Variants in NEIL3 observed in about 807,000 individuals in gnomAD.
The protein encoded by NEIL3 is nei like DNA glycosylase 3.
Under a neutral mutation model 57.5 loss-of-function variants are expected in NEIL3, and 48 were observed. The observed-to-expected ratio is 0.83, with a 90% CI of 0.66 to 1.06. The LOEUF is 1.06. Ranked by LOEUF, NEIL3 falls within the 50% of genes least tolerant of loss-of-function variation. The pLI, the probability that NEIL3 is intolerant of heterozygous loss-of-function variation, is 0.00. For missense variants in NEIL3, 717 were observed against 739.1 expected (o/e 0.97, Z 0.35); for synonymous variants, 261 against 253.2 (o/e 1.03, Z -0.29).
intron 8 of NEIL3, among the ~76,000 whole-genome samples, chr4:177,357,219 C>T (rs1253546407): frequency 6.6e-6 from 1 of 152,184 alleles, no homozygotes; most frequent in Non-Finnish European, 1.5e-5. Flanking sequence ...CCAAAAAATT[C>T]AGACAGTATT....
At chr4:177,342,102 A>G (rs955599031) in intron 6 of NEIL3, among the ~76,000 whole-genome samples, 12 of 152,214 alleles carry the variant, frequency 7.9e-5, no homozygotes, top group African/African-American at 2.9e-4. Flanking sequence ...GTCTCTTCCA[A>G]TGATACATTC....
At chr4:177,325,577 T>C (rs1734765425) in intron 2 of NEIL3, among the ~76,000 whole-genome samples, 1 of 152,112 alleles carries the variant, frequency 6.6e-6, no homozygotes, top group Non-Finnish European at 1.5e-5. Flanking sequence ...ACCAAATGAC[T>C]TAGAAATTCT....
In NEIL3 at chr4:177,341,578, A is replaced by G. The variant is rs1735093187; in HGVS notation, c.805A>G (p.Asn269Asp). The change falls in exon 6 of 10, where the codon AAT becomes GAT. Residue 269 changes from asparagine (N) to aspartate (D), a missense_variant. Transcript: ENST00000264596. ...CRITVCRFGD[N>D]NRMTYFCPHC... ...AATAACTGTGTGCCGCTTTGGGGAC[A>G]ATAACAGAATGACATATTTCTGTCC... is the stretch of plus-strand genomic sequence containing the variant. 1 of 1,613,940 alleles carries G rather than the reference A, an allele frequency of 6.2e-7. No individual in the cohort carries two copies.
chr4:177,312,694 C>T (rs1734499740), intron 1 of NEIL3, among the ~76,000 whole-genome samples: 1 of 151,964 alleles, frequency 6.6e-6, no homozygotes. Flanking sequence ...ATTTTTGATA[C>T]CTTGATAGAA....
In NEIL3 at chr4:177,335,888, G is replaced by A. The variant is rs377710891; in HGVS notation, c.413+66G>A. ...CAGAGCTTGGTTTGGGATGTCACAC[G>A]TGTAACTAAAGAAACAAATAAATAA... On this transcript the variant is annotated intron_variant, in intron 3 of 9. Transcript: ENST00000264596. The A allele has an allele frequency of 3.8e-4, 525 of 1,383,990 alleles. 2 individuals carry two copies. The African/African-American group carries it at 6.1e-3, about 16-fold the overall frequency. The allele number at this position is 1,383,990 out of a possible 1,614,324, so 85.7% of individuals were successfully genotyped here.
At chr4:177,356,755 T>C (rs543232781) in intron 8 of NEIL3, among the ~76,000 whole-genome samples, 1 of 152,326 alleles carries the variant, frequency 6.6e-6, no homozygotes, top group South Asian at 2.1e-4. Context: ...TTGAGATAGA[T>C]GTGTATTCCA....
intron 4 of NEIL3, among the ~76,000 whole-genome samples, chr4:177,337,162 A>G (rs183765506): frequency 1.6e-4 from 24 of 152,276 alleles, no homozygotes; most frequent in East Asian, 5.8e-4. Flanking sequence ...GAATATAGCA[A>G]TGTTCTAAGA....
intron 6 of NEIL3, among the ~76,000 whole-genome samples, chr4:177,348,472 CT>C (rs1735271588): frequency 6.6e-6 from 1 of 152,118 alleles, no homozygotes; most frequent in African/African-American, 2.4e-5. Flanking sequence ...CAGAGTCCGC[CT>C]GCTCCTTGAG....
chr4:177,339,980 G>A (rs1735060077), intron 5 of NEIL3, 123 bp downstream of exon 5: 3 of 654,558 alleles, frequency 4.6e-6, no homozygotes, highest in Non-Finnish European at 8.2e-6. Context: ...GGTACATTAA[G>A]GGAGAGTGAC....
chr4:177,322,434 T>C (rs745943875), intron 1 of NEIL3, 25 bp from the exon 2 acceptor site: 1 of 1,613,694 alleles, frequency 6.2e-7, no homozygotes, highest in East Asian at 2.2e-5. Flanking sequence ...TGTGTGCTTA[T>C]GTGTGTACAT....
the NEIL3 span, among the ~76,000 whole-genome samples, chr4:177,368,349 C>T: frequency 2.0e-5 from 3 of 152,056 alleles, no homozygotes; most frequent in Admixed American, 6.5e-5. Context: ...AGGTACTTAT[C>T]ATTGTATATT....
chr4:177,310,430 T>A (rs1734456264), intron 1 of NEIL3, among the ~76,000 whole-genome samples: 1 of 152,232 alleles, frequency 6.6e-6, no homozygotes, highest in Non-Finnish European at 1.5e-5. Context: ...TACAGCTGCA[T>A]TTTTTACTAT....
At chr4:177,334,366 A>T (rs1313248391) in intron 2 of NEIL3, among the ~76,000 whole-genome samples, 1 of 152,186 alleles carries the variant, frequency 6.6e-6, no homozygotes, top group Non-Finnish European at 1.5e-5. Context: ...TTTCCTAAAA[A>T]TGAATTGATT....
At position 177,353,400 on chromosome 4, in the gene NEIL3, A is replaced by G. The variant is rs1415336429; in HGVS notation, c.1132A>G (p.Lys378Glu). The G allele has an allele frequency of 6.2e-7, 1 of 1,613,876 alleles. No individual in the cohort carries two copies. Among genetic ancestry groups the G allele is most frequent in the Admixed American group, 1.7e-5 (1 of 60,010 alleles). ...TTTTGGAAAACCTCATACAGAAGTC[A>G]AGATCAACAGAAAAACTGCATTTGG... ...NTFGKPHTEV[K>E]INRKTAFGTT... The change falls in exon 8 of 10, where the codon AAG (lysine) becomes GAG (glutamate). Residue 378 changes from lysine to glutamate, a missense_variant. By Grantham distance (56) the Lys-to-Glu change is moderately conservative. Transcript: ENST00000264596.
chr4:177,366,517 G>A (rs1021300731), downstream of NEIL3, among the ~76,000 whole-genome samples: 4 of 152,134 alleles, frequency 2.6e-5, no homozygotes, highest in African/African-American at 4.8e-5. Context: ...TCTTGCCTCA[G>A]CCTCCTGAGT....
intron 2 of NEIL3, among the ~76,000 whole-genome samples, chr4:177,331,047 T>C (rs1734876516): frequency 1.3e-5 from 2 of 152,190 alleles, no homozygotes; most frequent in African/African-American, 4.8e-5. Flanking sequence ...TTTATGTCGA[T>C]GAATTCAACA....
At chr4:177,333,666 C>CAG (rs1348453488) in intron 2 of NEIL3, among the ~76,000 whole-genome samples, 2 of 152,202 alleles carry the variant, frequency 1.3e-5, no homozygotes, top group Non-Finnish European at 2.9e-5. Flanking sequence ...TTCCTCTTTG[C>CAG]AGGGAGACCT....
At chr4:177,310,845 G>A (rs1410086914) in intron 1 of NEIL3, among the ~76,000 whole-genome samples, 2 of 152,164 alleles carry the variant, frequency 1.3e-5, no homozygotes, top group African/African-American at 4.8e-5. Flanking sequence ...ATGCAATATT[G>A]CACTGTATTT....
intron 6 of NEIL3, chr4:177,343,005 A>C (rs1479699832): frequency 1.3e-5 from 2 of 152,252 alleles, no homozygotes; most frequent in Admixed American, 6.5e-5. Context: ...ATGCATGTAA[A>C]GAAGCTGGTG....
Sources: allele counts gnomAD v4.1 joint callset (sites outside exome capture counted in the v4.1 genomes callset), GRCh38; gene constraint gnomAD v4.1.1; transcripts MANE v1.5; gene names NCBI Gene and HGNC (gene_info 2026-07-23, HGNC 2026-07-21).